SGPP2: variants seen among roughly 807,000 people sequenced by gnomAD.
SGPP2 encodes the protein sphingosine 1-phosphate phosphohydrolase 2.
A neutral mutation model predicts 33.9 loss-of-function variants in SGPP2; 30 were observed. The ratio of observed to expected loss-of-function variants is 0.89; its 90% CI spans 0.66 to 1.20. The LOEUF is 1.20. SGPP2 is among the 50% of genes most tolerant of loss of function. SGPP2 has a pLI of 0.00. For synonymous variants in SGPP2, 233 were observed against 225.0 expected (o/e 1.04, Z -0.32); for missense variants, 458 against 532.1 (o/e 0.86, Z 1.37).
At chr2:222,496,710 A>G (rs1698286421) in intron 2 of SGPP2, among the ~76,000 whole-genome samples, 1 of 152,130 alleles carries the variant, frequency 6.6e-6, no homozygotes, top group Non-Finnish European at 1.5e-5. Flanking sequence ...CAGTAGGTAC[A>G]TATTCTACTT....
intron 1 of SGPP2, among the ~76,000 whole-genome samples, chr2:222,431,892 T>TC (rs1697162954): frequency 6.6e-6 from 1 of 152,136 alleles, no homozygotes; most frequent in Non-Finnish European, 1.5e-5. Context: ...GCTGAAGCAG[T>TC]CCATCAAGGT....
Position 222,424,740 on chromosome 2 carries a change from CG to C in SGPP2, c.142del (p.Val48SerfsTer34). On this transcript the variant is annotated frameshift_variant, in exon 1 of 5. Transcript: ENST00000321276. LOFTEE classifies it high-confidence loss of function. ...DPTERAARVP[G>X]VEHLPAANGK... ...CCACGGAGCGCGCGGCGCGGGTCCC[CG>C]GGGTCGAGCATCTCCCCGCAGCCAA... 1 of 1,424,130 alleles carries C rather than the reference CG, an allele frequency of 7.0e-7. No homozygotes were observed. Among genetic ancestry groups the C allele is most frequent in the South Asian group, 1.4e-5 (1 of 70,412 alleles). The allele number at this position is 1,424,130 out of a possible 1,614,324, so 88.2% of individuals were successfully genotyped here.
chr2:222,529,505 T>G (rs1698808646), intron 4 of SGPP2, among the ~76,000 whole-genome samples: 1 of 152,182 alleles, frequency 6.6e-6, no homozygotes, highest in Admixed American at 6.5e-5. Flanking sequence ...CAGCTAATTT[T>G]TGTATTTTTA....
At chr2:222,472,737 G>A (rs1697864494) in intron 1 of SGPP2, among the ~76,000 whole-genome samples, 1 of 152,154 alleles carries the variant, frequency 6.6e-6, no homozygotes, top group South Asian at 2.1e-4. Context: ...TTTAGGGAGG[G>A]ACTATTACCA....
intron 2 of SGPP2, among the ~76,000 whole-genome samples, chr2:222,518,707 A>T (rs1231259591): frequency 6.6e-6 from 1 of 152,192 alleles, no homozygotes; most frequent in African/African-American, 2.4e-5. Context: ...CTGGTGGTTA[A>T]GTGGATGGTA....
At chr2:222,430,410 A>G (rs1697136590) in intron 1 of SGPP2, among the ~76,000 whole-genome samples, 1 of 152,248 alleles carries the variant, frequency 6.6e-6, no homozygotes, top group South Asian at 2.1e-4. Flanking sequence ...TGTATATTTT[A>G]CCTTAATTTT....
chr2:222,558,702 T>C lies in SGPP2; in HGVS notation c.1004T>C (p.Ile335Thr). 1 of 1,614,206 alleles carries C rather than the reference T, an allele frequency of 6.2e-7. No individual in the cohort carries two copies. Among genetic ancestry groups the C allele is most frequent in the Non-Finnish European group, 8.5e-7 (1 of 1,180,020 alleles). ...LTKFAVGIVL[I>T]LLVRQLVQNL... The stretch of plus-strand genomic sequence containing the variant: ...AAATTTGCAGTGGGAATTGTGTTGA[T>C]CCTCTTGGTTCGTCAGCTTGTACAA... Residue 335 changes from isoleucine (I) to threonine (T), a missense_variant, in exon 5 of 5, where the codon ATC (isoleucine) becomes ACC (threonine). By Grantham distance (89) the Ile-to-Thr change is moderately conservative. Transcript: ENST00000321276.
chr2:222,469,218 C>G (rs751070657), intron 1 of SGPP2, among the ~76,000 whole-genome samples: 10 of 152,172 alleles, frequency 6.6e-5, no homozygotes, highest in Non-Finnish European at 8.8e-5. Context: ...GAGTCTCGCT[C>G]TGTCACCCAG....
chr2:222,547,046 T>C (rs1279444523), intron 4 of SGPP2, among the ~76,000 whole-genome samples: 1 of 152,136 alleles, frequency 6.6e-6, no homozygotes, highest in Non-Finnish European at 1.5e-5. Context: ...GAATGCAATA[T>C]ACAGTTTGAA....
At chr2:222,463,930 G>C (rs1292923573) in intron 1 of SGPP2, among the ~76,000 whole-genome samples, 1 of 151,902 alleles carries the variant, frequency 6.6e-6, no homozygotes, top group Non-Finnish European at 1.5e-5. Context: ...TGCCAGGTTA[G>C]AAGAGACTGA....
chr2:222,520,302 TA>T (rs1698663764), intron 2 of SGPP2, among the ~76,000 whole-genome samples: 1 of 152,126 alleles, frequency 6.6e-6, no homozygotes, highest in South Asian at 2.1e-4. Context: ...CTTTTTTCAG[TA>T]GATATGAACG....
chr2:222,435,553 T>A (rs1440716071), intron 1 of SGPP2, among the ~76,000 whole-genome samples: 1 of 149,854 alleles, frequency 6.7e-6, no homozygotes, highest in Non-Finnish European at 1.5e-5. Context: ...CAGATAACAA[T>A]AAGGTTATAA....
chr2:222,460,921 G>A lies in SGPP2; in HGVS notation c.220-13647G>A, dbSNP rs571958020. Among the ~76,000 whole-genome samples, 1 of 152,070 alleles carries A rather than the reference G, an allele frequency of 6.6e-6. No homozygotes were observed. Among genetic ancestry groups the A allele is most frequent in the Non-Finnish European group, 1.5e-5 (1 of 68,002 alleles). On this transcript the variant is annotated intron_variant, in intron 1 of 4. Transcript: ENST00000321276. This position sits in a 1 kb window ranked among gnomAD's most constrained non-coding sequence, Gnocchi z 4.3. Reference sequence around the variant, plus strand: ...ATCTCTTTAAATTAATTAAGCAATGGGATCTCACTCTGTTGCCCAGGCTGA... The same window carrying A: ...ATCTCTTTAAATTAATTAAGCAATGAGATCTCACTCTGTTGCCCAGGCTGA...
chr2:222,518,607 G>A (rs1574873718), intron 2 of SGPP2, among the ~76,000 whole-genome samples: 1 of 152,184 alleles, frequency 6.6e-6, no homozygotes, highest in Admixed American at 6.5e-5. Context: ...CAACTCCCCA[G>A]ATAATGGTCA....
intron 1 of SGPP2, among the ~76,000 whole-genome samples, chr2:222,463,118 C>T (rs907513011): frequency 6.6e-6 from 1 of 152,156 alleles, no homozygotes; most frequent in Non-Finnish European, 1.5e-5. Context: ...TTAGGAGGAG[C>T]GTGGAGACAG....
At chr2:222,475,979 C>G (rs1697927201) in intron 2 of SGPP2, among the ~76,000 whole-genome samples, 1 of 152,156 alleles carries the variant, frequency 6.6e-6, no homozygotes, top group Non-Finnish European at 1.5e-5. Context: ...CTGCAGGTTG[C>G]TATTTGAGCA....
chr2:222,444,089 A>G (rs1697364168), intron 1 of SGPP2, among the ~76,000 whole-genome samples: 1 of 152,182 alleles, frequency 6.6e-6, no homozygotes, highest in African/African-American at 2.4e-5. Context: ...TGGCACTTCT[A>G]TTATTTTAAT....
At chr2:222,459,554 A>G (rs1451159913) in intron 1 of SGPP2, among the ~76,000 whole-genome samples, 3 of 152,230 alleles carry the variant, frequency 2.0e-5, no homozygotes, top group East Asian at 3.9e-4. Flanking sequence ...AGTATGGCAG[A>G]GTCCCATTAT....
intron 1 of SGPP2, among the ~76,000 whole-genome samples, chr2:222,440,140 G>A (rs1355960029): frequency 6.6e-6 from 1 of 152,204 alleles, no homozygotes; most frequent in Non-Finnish European, 1.5e-5. Flanking sequence ...ATGTAGAATA[G>A]CATTTGGGAG....
Sources: allele counts gnomAD v4.1 joint callset (sites outside exome capture counted in the v4.1 genomes callset), GRCh38; gene constraint gnomAD v4.1.1; non-coding constraint Gnocchi (gnomAD v3.1); transcripts MANE v1.5; gene names NCBI Gene and HGNC (gene_info 2026-07-23, HGNC 2026-07-21).